Variants in MT1H observed in about 807,000 individuals in gnomAD.
MT1H encodes the protein metallothionein-1H.
A neutral mutation model predicts 8.7 loss-of-function variants in MT1H; 8 were observed. The observed-to-expected ratio is 0.92, with a 90% CI of 0.54 to 1.66. MT1H has a LOEUF of 1.66. MT1H is among the 40% of genes most tolerant of loss of function. MT1H has a pLI of 0.00. For synonymous variants in MT1H, 32 were observed against 28.9 expected, an observed-to-expected ratio of 1.11 and a Z score of -0.34; for missense variants, 84 against 75.2, an observed-to-expected ratio of 1.12 and a Z score of -0.43.
At position 56,670,940 on chromosome 16, in the gene MT1H, A is replaced by C. The variant is rs144173615; in HGVS notation, c.137A>C (p.Gln46Pro). Reference sequence around the variant, plus strand: ...CCCCTGGGCTGTGCCAAGTGTGCCCAGGGCTGCATCTGCAAAGGGGCGTCA... The same window carrying C: ...CCCCTGGGCTGTGCCAAGTGTGCCCCGGGCTGCATCTGCAAAGGGGCGTCA... ...CCPLGCAKCA[Q>P]GCICKGASEK... Residue 46 changes from glutamine (Q) to proline (P), a missense_variant, in exon 3 of 3, where the codon CAG becomes CCG. Physicochemically the swap from Gln to Pro is moderately conservative, Grantham distance 76. Coordinates refer to ENST00000332374, the MANE Select transcript of MT1H (RefSeq NM_005951.2). 3,595 of 1,614,178 alleles carry C rather than the reference A, an allele frequency of 2.2e-3. 59 individuals carry two copies. In the African/African-American group the frequency reaches 0.04, roughly 18 times the overall value.
intron 1 of MT1H, 35 bp downstream of exon 1, chr16:56,669,947 C>T (rs1960849613): frequency 1.1e-5 from 18 of 1,613,708 alleles, no homozygotes; most frequent in Non-Finnish European, 1.4e-5. Context: ...CTTAGGATGC[C>T]AAATTCCCAG....
Position 56,671,065 on chromosome 16 carries a change from A to C in MT1H, c.*76A>C. 6.5e-7 allele frequency: 1 copy of C among 1,536,576 alleles called. No individual in the cohort carries two copies. The highest frequency in any genetic ancestry group is 1.2e-5 in the South Asian group (1 of 82,702). Reference sequence around the variant, plus strand: ...AGGATTTTTTTTTTCTACAACTCCGACTCATTTGCTACATTCCTTTTTTTC... The same window carrying C: ...AGGATTTTTTTTTTCTACAACTCCGCCTCATTTGCTACATTCCTTTTTTTC... On this transcript the variant is annotated 3_prime_UTR_variant, in exon 3 of 3. Coordinates refer to ENST00000332374, the MANE Select transcript of MT1H (RefSeq NM_005951.2).
rs1261303001 is a variant in MT1H, at chr16:56,670,584, C to A, written c.94+13C>A. The A allele has an allele frequency of 1.9e-6, 3 of 1,614,216 alleles. No individual in the cohort carries two copies. The highest frequency in any genetic ancestry group is 2.5e-6 in the Non-Finnish European group (3 of 1,180,044). On this transcript the variant is annotated intron_variant, in intron 2 of 2. Transcript: ENST00000332374. ...TCCTGCAAGAAGAGTGAGTGCGGGG[C>A]CATCTCCAGGAATCTGGGGCTGTGG...
At chr16:56,670,009 G>T in intron 1 of MT1H, 97 bp downstream of exon 1, 2 of 1,534,770 alleles carry the variant, frequency 1.3e-6, no homozygotes, top group Non-Finnish European at 1.8e-6. Context: ...TGCGATCTGA[G>T]CTGAAGAGGA....
At chr16:56,670,683 T>A in intron 2 of MT1H, 112 bp downstream of exon 2, 1 of 1,588,154 alleles carries the variant, frequency 6.3e-7, no homozygotes, top group East Asian at 2.3e-5. Flanking sequence ...TCACTGCCTT[T>A]CCAGTCTTCT....
chr16:56,670,671 C>A (rs949676316), intron 2 of MT1H, 100 bp downstream of exon 2: 1 of 1,600,582 alleles, frequency 6.2e-7, no homozygotes, highest in Admixed American at 1.7e-5. Flanking sequence ...CCCCCTAGGC[C>A]GTCACTGCCT....
intron 2 of MT1H, 86 bp downstream of exon 2, chr16:56,670,657 TTG>T: frequency 6.2e-7 from 1 of 1,607,816 alleles, no homozygotes; most frequent in Non-Finnish European, 8.5e-7. Flanking sequence ...CCTGCTTCCT[TTG>T]TCCCCCTAGG....
intron 2 of MT1H, 158 bp downstream of exon 2, chr16:56,670,729 C>CT (rs1196178512): frequency 6.6e-7 from 1 of 1,507,698 alleles, no homozygotes; most frequent in African/African-American, 1.4e-5. Context: ...TGGGCAGTCT[C>CT]TCATAGGAAG....
chr16:56,670,229 G>A (rs2144354879), intron 1 of MT1H, among the ~76,000 whole-genome samples: 1 of 152,326 alleles, frequency 6.6e-6, no homozygotes, highest in Non-Finnish European at 1.5e-5. Flanking sequence ...GGATAGGTGG[G>A]GACATTGCCT....
Position 56,671,026 on chromosome 16 carries a change from G to A in MT1H, c.*37G>A, listed in dbSNP as rs1960866788. The A allele has an allele frequency of 2.5e-6, 4 of 1,594,186 alleles. No homozygotes were observed. Among genetic ancestry groups the A allele is most frequent in the Non-Finnish European group, 3.4e-6 (4 of 1,174,318 alleles). On this transcript the variant is annotated 3_prime_UTR_variant, in exon 3 of 3. Transcript: ENST00000332374. Reference sequence around the variant, plus strand: ...CCCTGCTGTCAGATGAAAACAGAATGACACGTAAAATCCAGGATTTTTTTT... The same window carrying A: ...CCCTGCTGTCAGATGAAAACAGAATAACACGTAAAATCCAGGATTTTTTTT...
intron 1 of MT1H, 105 bp from the exon 2 acceptor site, chr16:56,670,401 G>A (rs1960855369): frequency 6.5e-7 from 1 of 1,540,744 alleles, no homozygotes; most frequent in Non-Finnish European, 8.9e-7. Context: ...AAGGAGCTCT[G>A]ACGGCTGGCC....
In MT1H at chr16:56,669,913, G is replaced by A; in HGVS notation, c.28+1G>A. 17 of 1,614,164 alleles carry A rather than the reference G, an allele frequency of 1.1e-5. No individual in the cohort carries two copies. Among genetic ancestry groups the A allele is most frequent in the Non-Finnish European group, 1.4e-5 (17 of 1,180,008 alleles). ...GACCCCAACTGCTCCTGCGAGGCTGGTAAGGAACGCCCGGGTTCTGTGCCT... is the reference window on the plus strand; with the variant it reads ...GACCCCAACTGCTCCTGCGAGGCTGATAAGGAACGCCCGGGTTCTGTGCCT... On this transcript the variant is annotated splice_donor_variant, in intron 1 of 2. Coordinates refer to ENST00000332374, the MANE Select transcript of MT1H (RefSeq NM_005951.2). LOFTEE classifies it high-confidence loss of function.
rs765420008 is a variant in MT1H at position 56,670,522 on chromosome 16, C to T, written c.45C>T (p.Cys15=). 9.3e-6 allele frequency: 15 copies of T among 1,614,132 alleles called. No homozygotes were observed. The Admixed American group carries it at 1.3e-4, about 14-fold the overall frequency. Residue 15 remains cysteine (C), a synonymous_variant, in exon 2 of 3, where the codon TGC becomes TGT. Coordinates refer to ENST00000332374, the MANE Select transcript of MT1H (RefSeq NM_005951.2). ...TCCTTGCAGGTGGCTCCTGCGCCTG[C>T]GCCGGCTCCTGCAAGTGCAAAAAGT... ...CSCEAGGSCA[C]AGSCKCKKCK...
At position 56,669,925 on chromosome 16, in the gene MT1H, C is replaced by T. The variant is rs775000229; in HGVS notation, c.28+13C>T. ...TCCTGCGAGGCTGGTAAGGAACGCC[C>T]GGGTTCTGTGCCTTAGGATGCCAAA... On this transcript the variant is annotated intron_variant, in intron 1 of 2. Coordinates refer to ENST00000332374, the MANE Select transcript of MT1H (RefSeq NM_005951.2). The T allele has an allele frequency of 9.3e-6, 15 of 1,613,844 alleles. No homozygotes were observed. In the South Asian group the frequency reaches 1.5e-4, roughly 17 times the overall value.
At chr16:56,670,705 G>A (rs1960860071) in intron 2 of MT1H, 134 bp downstream of exon 2, 1 of 1,548,482 alleles carries the variant, frequency 6.5e-7, no homozygotes, top group Non-Finnish European at 8.8e-7. Context: ...CTCTGTCCAG[G>A]GCTCCTGTGG....
At chr16:56,670,661 C>G (rs77586255) in intron 2 of MT1H, 90 bp downstream of exon 2, 2 of 1,606,642 alleles carry the variant, frequency 1.2e-6, no homozygotes, top group Non-Finnish European at 1.7e-6. Context: ...CTTCCTTTGT[C>G]CCCCTAGGCC....
Position 56,670,960 on chromosome 16 carries a change from G to T in MT1H, c.157G>T (p.Ala53Ser). The change falls in exon 3 of 3, where the codon GCG becomes TCG. Residue 53 changes from alanine (A) to serine (S), a missense_variant. Ala to Ser is a moderately conservative substitution (Grantham distance 99, BLOSUM62 1). Transcript: ENST00000332374. ...KCAQGCICKGASEKCSCCA is the reference protein window; with the variant it reads ...KCAQGCICKGSSEKCSCCA ...TGCCCAGGGCTGCATCTGCAAAGGG[G>T]CGTCAGAGAAGTGCAGCTGCTGTGC... 1 of 1,614,254 alleles carries T rather than the reference G, an allele frequency of 6.2e-7. No homozygotes were observed. The highest frequency in any genetic ancestry group is 8.5e-7 in the Non-Finnish European group (1 of 1,180,040).
At position 56,670,929 on chromosome 16, in the gene MT1H, C is replaced by A; in HGVS notation, c.126C>A (p.Ala42=). The A allele has an allele frequency of 6.2e-7, 1 of 1,614,214 alleles. No homozygotes were observed. The highest frequency in any genetic ancestry group is 8.5e-7 in the Non-Finnish European group (1 of 1,180,036). The part of the protein sequence containing the change: ...SCCSCCPLGC[A]KCAQGCICKG... ...GCTCCTGTTGCCCCCTGGGCTGTGC[C>A]AAGTGTGCCCAGGGCTGCATCTGCA... Residue 42 remains alanine, a synonymous_variant, in exon 3 of 3, where the codon GCC becomes GCA. Transcript: ENST00000332374.
At chr16:56,670,012 GAA>G (rs1441410225) in intron 1 of MT1H, 100 bp downstream of exon 1, 35 of 1,509,498 alleles carry the variant, frequency 2.3e-5, no homozygotes, top group Non-Finnish European at 3.0e-5. Flanking sequence ...GATCTGAGCT[GAA>G]GAGGACTTCT....
Sources: allele counts gnomAD v4.1 joint callset (sites outside exome capture counted in the v4.1 genomes callset), GRCh38; gene constraint gnomAD v4.1.1; transcripts MANE v1.5; gene names NCBI Gene and HGNC (gene_info 2026-07-23, HGNC 2026-07-21).